The following MALRD1 variants were observed in gnomAD, a reference collection of about 807,000 sequenced individuals.
MALRD1 encodes the protein MAM and LDL-receptor class A domain-containing protein 1.
Under a neutral mutation model 242.1 loss-of-function variants are expected in MALRD1, and 247 were observed. That is an observed-to-expected ratio of 1.02 (90% CI 0.92 to 1.13). The LOEUF (loss-of-function observed/expected upper bound fraction) is 1.13. Ranked by LOEUF, MALRD1 falls within the 50% of genes most tolerant of loss-of-function variation. The pLI is 0.00. For synonymous variants in MALRD1, 995 were observed against 866.6 expected (o/e 1.15, Z -2.60); for missense variants, 2,989 against 2,533.1 (o/e 1.18, Z -3.86).
At chr10:19,396,560 C>A (rs1846589037) in intron 28 of MALRD1, among the ~76,000 whole-genome samples, 1 of 152,146 alleles carries the variant, frequency 6.6e-6, no homozygotes, top group African/African-American at 2.4e-5. Flanking sequence ...ACCCATGTCA[C>A]ATAAAAATTA....
intron 33 of MALRD1, among the ~76,000 whole-genome samples, chr10:19,587,112 C>G (rs954077706): frequency 4.6e-5 from 7 of 152,214 alleles, no homozygotes; most frequent in Admixed American, 1.3e-4. Flanking sequence ...ACCCACTGAC[C>G]TGCGTCCACT....
upstream of MALRD1, among the ~76,000 whole-genome samples, chr10:19,047,911 T>C (rs977355260): frequency 1.3e-5 from 2 of 152,148 alleles, no homozygotes; most frequent in African/African-American, 4.8e-5. Flanking sequence ...CTGCAGAAAT[T>C]AAAATAAAAT....
chr10:19,299,745 G>A (rs1841863745), intron 21 of MALRD1, among the ~76,000 whole-genome samples: 1 of 151,814 alleles, frequency 6.6e-6, no homozygotes, highest in African/African-American at 2.4e-5. Context: ...GTCATCTATG[G>A]CAGACGCACA....
At chr10:19,140,707 C>T (rs1833509867) in intron 10 of MALRD1, among the ~76,000 whole-genome samples, 1 of 152,120 alleles carries the variant, frequency 6.6e-6, no homozygotes, top group Non-Finnish European at 1.5e-5. Flanking sequence ...ATAAATACAG[C>T]ACGATCTCAC....
At chr10:19,340,345 A>C (rs1357477340) in intron 24 of MALRD1, among the ~76,000 whole-genome samples, 1 of 78,486 alleles carries the variant, frequency 1.3e-5, no homozygotes, top group African/African-American at 4.7e-5. Context: ...TGATGTGCTA[A>C]CTTTTTTTTT....
chr10:19,236,895 C>T (rs919035186), intron 18 of MALRD1, among the ~76,000 whole-genome samples: 30 of 152,000 alleles, frequency 2.0e-4, no homozygotes, highest in Admixed American at 1.7e-3. Context: ...ATTTCTAACA[C>T]ATTAGTTTTC....
intron 13 of MALRD1, among the ~76,000 whole-genome samples, chr10:19,167,803 C>T (rs978439660): frequency 1.3e-5 from 2 of 152,166 alleles, no homozygotes; most frequent in African/African-American, 2.4e-5. Flanking sequence ...AAATCTTCCT[C>T]CTCCCATGGA....
chr10:19,539,913 C>T lies in MALRD1; in HGVS notation c.5478+8562C>T, dbSNP rs557692478. 1.5e-3 allele frequency among the ~76,000 whole-genome samples: 73 copies of T among 47,330 alleles called. 1 individual carries two copies. The highest frequency in any genetic ancestry group is 0.011 in the South Asian group (11 of 998). 31.1% of individuals were successfully genotyped at this position (47,330 alleles called of 152,430 possible). A position where few individuals can be genotyped will look rare whatever the true frequency, so the allele number is the denominator to read the frequency against. On this transcript the variant is annotated intron_variant, in intron 32 of 39. Coordinates refer to ENST00000454679, the MANE Select transcript of MALRD1 (RefSeq NM_001142308.3). ...GTGTGTGTGTGCGCGCGCGCGTGCG[C>T]GCACACACGCGCAGTGATGGGGTTT...
chr10:19,476,967 T>C (rs1257150047), intron 29 of MALRD1, among the ~76,000 whole-genome samples: 2 of 152,198 alleles, frequency 1.3e-5, no homozygotes, highest in African/African-American at 4.8e-5. Flanking sequence ...ACTAATGTTT[T>C]CATTTTTTCC....
chr10:19,291,172 A>T (rs1210308720), intron 21 of MALRD1, among the ~76,000 whole-genome samples: 2 of 152,174 alleles, frequency 1.3e-5, no homozygotes, highest in African/African-American at 4.8e-5. Context: ...TTAGTATAAA[A>T]TTATTCCCTT....
chr10:19,220,245 T>C (rs1454463374), intron 18 of MALRD1, among the ~76,000 whole-genome samples: 1 of 152,154 alleles, frequency 6.6e-6, no homozygotes, highest in Non-Finnish European at 1.5e-5. Flanking sequence ...TAATTTGTTA[T>C]AGAATAGCCT....
intron 30 of MALRD1, among the ~76,000 whole-genome samples, chr10:19,492,763 C>T (rs1837548301): frequency 6.6e-6 from 1 of 151,800 alleles, no homozygotes; most frequent in South Asian, 2.1e-4. Context: ...CTAGACTAGA[C>T]TTTCAATGAG....
chr10:19,501,900 G>A (rs1837988903), intron 31 of MALRD1, among the ~76,000 whole-genome samples: 2 of 151,288 alleles, frequency 1.3e-5, no homozygotes, highest in Non-Finnish European at 2.9e-5. Flanking sequence ...GTGTGGTAGA[G>A]TGCCTGTTGT....
At chr10:19,706,163 A>G (rs1833855609) in intron 38 of MALRD1, among the ~76,000 whole-genome samples, 2 of 152,308 alleles carry the variant, frequency 1.3e-5, no homozygotes, top group African/African-American at 4.8e-5. Context: ...TCAAGAAAAT[A>G]AAAGAAAATG....
chr10:19,198,727 A>G (rs2131601844), intron 14 of MALRD1, among the ~76,000 whole-genome samples: 1 of 152,294 alleles, frequency 6.6e-6, no homozygotes, highest in African/African-American at 2.4e-5. Context: ...GTAATTAATT[A>G]TTCTTATTCC....
At chr10:19,491,204 C>T in intron 29 of MALRD1, 2 of 561,392 alleles carry the variant, frequency 3.6e-6, no homozygotes, top group South Asian at 1.5e-5. Flanking sequence ...TGGCAGGCTG[C>T]ACATACCCTT....
At chr10:19,633,281 T>A (rs1839988699) in intron 36 of MALRD1, among the ~76,000 whole-genome samples, 3 of 152,236 alleles carry the variant, frequency 2.0e-5, no homozygotes, top group South Asian at 4.1e-4. Flanking sequence ...TCAAGATTTC[T>A]TGGCCATGTT....
At chr10:19,159,298 T>G (rs948117075) in intron 12 of MALRD1, among the ~76,000 whole-genome samples, 1 of 152,172 alleles carries the variant, frequency 6.6e-6, no homozygotes, top group Non-Finnish European at 1.5e-5. Context: ...CCCAGCTGAA[T>G]TTTGAGGAGC....
chr10:19,592,763 G>A (rs7920602), intron 33 of MALRD1, among the ~76,000 whole-genome samples: 5,319 of 93,018 alleles, frequency 0.057, 331 homozygotes, highest in African/African-American at 0.16. Context: ...ACACACACAC[G>A]CACGCACACA....
Sources: gnomAD v4.1 joint callset for allele counts (sites outside exome capture counted in the v4.1 genomes callset) on GRCh38, gnomAD v4.1.1 for gene constraint, MANE v1.5 for transcripts, NCBI Gene and HGNC (gene_info 2026-07-23, HGNC 2026-07-21) for gene names.